GPHN: variants seen among roughly 807,000 people sequenced by gnomAD.
GPHN encodes gephyrin.
GPHN carries 17 observed loss-of-function variants against 95.5 expected under a neutral mutation model. The ratio of observed to expected loss-of-function variants is 0.18; its 90% CI spans 0.12 to 0.27. The LOEUF (loss-of-function observed/expected upper bound fraction) is 0.27, where lower values mean the gene tolerates loss of function less well. Among genes scored for constraint, GPHN ranks in the 10% least tolerant of loss-of-function variants. The probability of loss-of-function intolerance (pLI) is 1.00; values close to 1 mark genes in which losing one functional copy is unlikely to be tolerated. For missense variants in GPHN, 660 were observed against 978.1 expected, an observed-to-expected ratio of 0.67 and a Z score of 4.34; for synonymous variants, 320 against 322.5, an observed-to-expected ratio of 0.99 and a Z score of 0.08.
intron 10 of GPHN, among the ~76,000 whole-genome samples, chr14:67,048,407 G>T (rs1567255290): frequency 1.3e-5 from 2 of 152,174 alleles, no homozygotes. Flanking sequence ...GACAAGTTAA[G>T]TTGTACTTAT....
rs909977955 is a variant in GPHN at position 66,577,279 on chromosome 14, G to A, written c.64+68688G>A. 3.6e-3 allele frequency among the ~76,000 whole-genome samples: 555 copies of A among 152,176 alleles called. 11 individuals carry two copies. The highest frequency in any genetic ancestry group is 0.013 in the African/African-American group (529 of 41,520). ...GAACTGTACAAAGTTGGTAATTCTT[G>A]GGCATACAGTGATTTCAGGGTGAGG... On this transcript the variant is annotated intron_variant, in intron 1 of 22. Coordinates refer to ENST00000478722, the MANE Select transcript of GPHN (RefSeq NM_020806.5).
At chr14:67,354,776 A>G in the GPHN span, among the ~76,000 whole-genome samples, 1 of 152,056 alleles carries the variant, frequency 6.6e-6, no homozygotes, top group East Asian at 1.9e-4. Flanking sequence ...AAAAATATGG[A>G]TTTACTTTTT....
chr14:67,320,207 A>G, the GPHN span: 118,318 of 1,596,396 alleles, frequency 0.074, 13,666 homozygotes, highest in East Asian at 0.41. Flanking sequence ...TTGTTTGAAG[A>G]GCTTAACTTT....
the GPHN span, among the ~76,000 whole-genome samples, chr14:67,325,955 C>G: frequency 6.6e-6 from 1 of 150,714 alleles, no homozygotes; most frequent in Non-Finnish European, 1.5e-5. Flanking sequence ...ATTACAGGCA[C>G]CTGCCACCAC....
intron 2 of GPHN, among the ~76,000 whole-genome samples, chr14:66,690,710 CA>C (rs2067712198): frequency 6.6e-6 from 1 of 152,148 alleles, no homozygotes; most frequent in Non-Finnish European, 1.5e-5. Flanking sequence ...ATTATATTTA[CA>C]TTTGTTATCT....
the GPHN span, among the ~76,000 whole-genome samples, chr14:67,391,152 T>C: frequency 6.6e-6 from 1 of 152,100 alleles, no homozygotes; most frequent in Non-Finnish European, 1.5e-5. Flanking sequence ...GCTACATGTA[T>C]ATTTGTCAGT....
chr14:66,892,395 T>G (rs1034707518), intron 5 of GPHN, among the ~76,000 whole-genome samples: 6 of 152,122 alleles, frequency 3.9e-5, no homozygotes, highest in African/African-American at 1.4e-4. Flanking sequence ...TGCATTCCAG[T>G]CTGGGCAACA....
At chr14:66,587,654 A>G (rs745471362) in intron 1 of GPHN, among the ~76,000 whole-genome samples, 3 of 152,238 alleles carry the variant, frequency 2.0e-5, no homozygotes, top group Non-Finnish European at 4.4e-5. Flanking sequence ...CAGAAGAGGC[A>G]TTTGACAAAA....
chr14:67,234,152 G>C, the GPHN span, among the ~76,000 whole-genome samples: 2 of 152,184 alleles, frequency 1.3e-5, no homozygotes, highest in African/African-American at 2.4e-5. Flanking sequence ...TATAAATAAG[G>C]AAGCTGAATT....
intron 10 of GPHN, among the ~76,000 whole-genome samples, chr14:67,032,674 A>G (rs963974016): frequency 2.0e-5 from 3 of 152,152 alleles, no homozygotes; most frequent in African/African-American, 7.2e-5. Flanking sequence ...AAACCTCTCT[A>G]ATTGGGAAAT....
the GPHN span, chr14:67,374,431 TG>T: frequency 7.2e-7 from 1 of 1,395,826 alleles, no homozygotes; most frequent in Non-Finnish European, 1.0e-6. Flanking sequence ...CAGTGGCATC[TG>T]GACAGAGATG....
At chr14:67,131,089 G>C (rs1214609684) in intron 17 of GPHN, among the ~76,000 whole-genome samples, 1 of 152,142 alleles carries the variant, frequency 6.6e-6, no homozygotes, top group Non-Finnish European at 1.5e-5. Context: ...TGAAGACAAA[G>C]AAATGTAGAT....
chr14:66,585,104 G>C (rs1040307777), intron 1 of GPHN, among the ~76,000 whole-genome samples: 1 of 152,082 alleles, frequency 6.6e-6, no homozygotes, highest in Non-Finnish European at 1.5e-5. Context: ...ACTTCTTCTT[G>C]ATTTAGTCTT....
intron 4 of GPHN, among the ~76,000 whole-genome samples, chr14:66,874,144 C>G (rs1490538662): frequency 2.6e-5 from 4 of 152,196 alleles, no homozygotes; most frequent in East Asian, 3.9e-4. Context: ...CAAACTCCAG[C>G]AGACCTGCAG....
the GPHN span, among the ~76,000 whole-genome samples, chr14:67,542,274 G>A: frequency 2.0e-5 from 3 of 152,212 alleles, no homozygotes; most frequent in Non-Finnish European, 4.4e-5. Flanking sequence ...GCAGCGGAGA[G>A]GTTCTATTAT....
intron 9 of GPHN, among the ~76,000 whole-genome samples, chr14:67,010,553 GAAAAAAA>G (rs529841338): frequency 4.2e-5 from 2 of 48,004 alleles, no homozygotes; most frequent in Non-Finnish European, 8.9e-5. Context: ...CTCTGTCTCA[GAAAAAAA>G]AAAAAAAAAG....
intron 3 of GPHN, among the ~76,000 whole-genome samples, chr14:66,786,526 G>A (rs935669534): frequency 2.0e-5 from 3 of 151,974 alleles, no homozygotes; most frequent in Non-Finnish European, 2.9e-5. Flanking sequence ...GAGGAAATAC[G>A]TTTCATGAGT....
At chr14:66,689,079 A>G (rs2067598738) in intron 2 of GPHN, among the ~76,000 whole-genome samples, 1 of 152,200 alleles carries the variant, frequency 6.6e-6, no homozygotes, top group Non-Finnish European at 1.5e-5. Flanking sequence ...AAAAAAAGAA[A>G]AAGAAAGTGG....
At chr14:67,415,696 T>C in the GPHN span, among the ~76,000 whole-genome samples, 1 of 152,226 alleles carries the variant, frequency 6.6e-6, no homozygotes, top group African/African-American at 2.4e-5. Flanking sequence ...ATTGCAGCAC[T>C]ATTCACAATA....
Sources: gnomAD v4.1 joint callset for allele counts (sites outside exome capture counted in the v4.1 genomes callset) on GRCh38, gnomAD v4.1.1 for gene constraint, MANE v1.5 for transcripts, NCBI Gene and HGNC (gene_info 2026-07-23, HGNC 2026-07-21) for gene names.